AP2A1: variants seen among roughly 807,000 people sequenced by gnomAD.
AP2A1 encodes the protein adaptor related protein complex 2 subunit alpha 1.
A neutral mutation model predicts 107.3 loss-of-function variants in AP2A1; 21 were observed. That is an observed-to-expected ratio of 0.20 (90% confidence interval 0.14 to 0.28). AP2A1 has a LOEUF of 0.28. AP2A1 is among the 10% of genes least tolerant of loss of function. The pLI, the probability that AP2A1 is intolerant of heterozygous loss-of-function variation, is 1.00. For missense variants in AP2A1, 873 were observed against 1,307.7 expected (o/e 0.67, Z 5.13); for synonymous variants, 602 against 564.8 (o/e 1.07, Z -0.93).
chr19:49,804,008 G>A lies in AP2A1; in HGVS notation c.2344+632G>A, dbSNP rs114707906. On this transcript the variant is annotated intron_variant, in intron 18 of 22. Coordinates refer to ENST00000354293, the MANE Select transcript of AP2A1 (RefSeq NM_130787.3). The stretch of plus-strand genomic sequence containing the variant: ...TCCCAGCACTGGCAGGCTGAGGCCA[G>A]TGGATCATTTGAGGTCAGGAGTTCA... 1,478 of 154,164 alleles carry A rather than the reference G, an allele frequency of 9.6e-3. 28 individuals carry two copies. Among genetic ancestry groups the A allele is most frequent in the African/African-American group, 0.034 (1,412 of 41,570 alleles). 9.5% of individuals were successfully genotyped at this position (154,164 alleles called of 1,614,324 possible).
chr19:49,800,800 T>A, intron 11 of AP2A1, 161 bp from the exon 12 acceptor site: 2 of 574,776 alleles, frequency 3.5e-6, no homozygotes, highest in Non-Finnish European at 6.1e-6. Flanking sequence ...CTGTGTGAGC[T>A]TGGGCCCGTC....
chr19:49,779,682 C>T (rs912549900), intron 1 of AP2A1, among the ~76,000 whole-genome samples: 1 of 152,278 alleles, frequency 6.6e-6, no homozygotes, highest in East Asian at 1.9e-4. Flanking sequence ...TCAAGCCATC[C>T]TCCTGCCTCA....
chr19:49,772,250 T>G (rs1011268731), intron 1 of AP2A1, among the ~76,000 whole-genome samples: 1 of 106,776 alleles, frequency 9.4e-6, no homozygotes, highest in African/African-American at 3.4e-5. Flanking sequence ...CATAGAGTTT[T>G]TTTTTTTTTT....
At chr19:49,784,487 A>T (rs1018370082) in intron 4 of AP2A1, among the ~76,000 whole-genome samples, 2 of 152,194 alleles carry the variant, frequency 1.3e-5, no homozygotes, top group Admixed American at 1.3e-4. Flanking sequence ...AATTATACAG[A>T]ATGTAAAAGA....
In AP2A1 at chr19:49,802,044, C is replaced by G; in HGVS notation, c.2017C>G (p.Pro673Ala). ...GGCAGCCCCTCCCCCGGCAGCACCC[C>G]CGGCTTCTGCAGGAGCAGGGAACCT... ...LRAAPPPAAPPASAGAGNLLV... is the reference protein window; with the variant it reads ...LRAAPPPAAPAASAGAGNLLV... Residue 673 changes from proline to alanine, a missense_variant, in exon 15 of 23, where the codon CCG becomes GCG. This residue lies in a region of AP2A1 where 416 missense variants were observed against 473.4 expected (regional missense o/e 0.88). Coordinates refer to ENST00000354293, the MANE Select transcript of AP2A1 (RefSeq NM_130787.3). 1 of 1,579,776 alleles carries G rather than the reference C, an allele frequency of 6.3e-7. No individual in the cohort carries two copies. Among genetic ancestry groups the G allele is most frequent in the Admixed American group, 1.8e-5 (1 of 56,502 alleles).
chr19:49,801,900 T>C lies in AP2A1; in HGVS notation c.1953+11T>C. The C allele has an allele frequency of 6.8e-7, 1 of 1,470,444 alleles. No homozygotes were observed. The highest frequency in any genetic ancestry group is 9.0e-7 in the Non-Finnish European group (1 of 1,114,964). The allele number at this position is 1,470,444 out of a possible 1,614,324, so 91.1% of individuals were successfully genotyped here. A position where few individuals can be genotyped will look rare whatever the true frequency, so the allele number is the denominator to read the frequency against. ...ACCCCCAGCACTGTGGTGAGTCCCC[T>C]GGGGTGGGCCCTGCCAGGGTGCCTG... On this transcript the variant is annotated intron_variant, in intron 14 of 22. Transcript: ENST00000354293.
intron 7 of AP2A1, among the ~76,000 whole-genome samples, chr19:49,798,574 C>G (rs2073239260): frequency 6.6e-6 from 1 of 152,172 alleles, no homozygotes; most frequent in Admixed American, 6.5e-5. Context: ...GAGCCCAGGT[C>G]TGGGGATAGA....
In AP2A1 at chr19:49,805,506, G is replaced by A; in HGVS notation, c.2398G>A (p.Val800Met). The A allele has an allele frequency of 1.3e-6, 2 of 1,561,528 alleles. No homozygotes were observed. Among genetic ancestry groups the A allele is most frequent in the African/African-American group, 2.7e-5 (2 of 73,702 alleles). ...GGCGCAGGTGGACGGCGGCGCGCAGGTGCAGCAGGTGCTCAATATCGAGTG... is the reference window on the plus strand; with the variant it reads ...GGCGCAGGTGGACGGCGGCGCGCAGATGCAGCAGGTGCTCAATATCGAGTG... ...VAAQVDGGAQ[V>M]QQVLNIECLR... is the part of the protein sequence containing the mutation. The change falls in exon 19 of 23, where the codon GTG (valine) becomes ATG (methionine). Residue 800 changes from valine to methionine, a missense_variant. This residue lies in a region of AP2A1 where 416 missense variants were observed against 473.4 expected (regional missense o/e 0.88). Transcript: ENST00000354293.
intron 18 of AP2A1, 49 bp from the exon 19 acceptor site, chr19:49,805,404 C>G: frequency 6.7e-7 from 1 of 1,489,948 alleles, no homozygotes; most frequent in Non-Finnish European, 9.0e-7. Flanking sequence ...ACCCAGACCT[C>G]CCGGGGGCCC....
At chr19:49,776,812 C>T (rs990624191) in intron 1 of AP2A1, among the ~76,000 whole-genome samples, 1 of 152,188 alleles carries the variant, frequency 6.6e-6, no homozygotes, top group Non-Finnish European at 1.5e-5. Flanking sequence ...CCCTTTGGGG[C>T]CACAACTGCT....
chr19:49,802,179 C>A (rs2073291937), intron 15 of AP2A1, 38 bp downstream of exon 15: 2 of 1,500,636 alleles, frequency 1.3e-6, no homozygotes, highest in East Asian at 4.9e-5. Context: ...CTCGCGGCCA[C>A]CCCCAGGGCT....
At chr19:49,806,563 CTG>C in intron 22 of AP2A1, 116 bp from the exon 23 acceptor site, 1 of 1,522,816 alleles carries the variant, frequency 6.6e-7, no homozygotes, top group Non-Finnish European at 8.8e-7. Context: ...TTTTTCTCTC[CTG>C]TGTCTTGTAT....
At chr19:49,770,770 C>T (rs2084548162) in intron 1 of AP2A1, among the ~76,000 whole-genome samples, 1 of 152,140 alleles carries the variant, frequency 6.6e-6, no homozygotes, top group Middle Eastern at 3.2e-3. Context: ...CTTGAATAGG[C>T]AGATCCATGG....
Position 49,805,743 on chromosome 19 carries a change from C to G in AP2A1, c.2551C>G (p.Gln851Glu). Reference protein sequence around the residue: ...KFFQPTEMAAQDFFQRWKQLS... With the variant: ...KFFQPTEMAAEDFFQRWKQLS... ...CTTCCAGCCCACCGAGATGGCGGCCCAGGATTTCTTCCAGCGCTGGAAGCA... is the reference window on the plus strand; with the variant it reads ...CTTCCAGCCCACCGAGATGGCGGCCGAGGATTTCTTCCAGCGCTGGAAGCA... Residue 851 changes from glutamine (Q) to glutamate (E), a missense_variant, in exon 20 of 23, where the codon CAG (glutamine) becomes GAG (glutamate). Gln to Glu is a conservative substitution (Grantham distance 29). Coordinates refer to ENST00000354293, the MANE Select transcript of AP2A1 (RefSeq NM_130787.3). 1.3e-6 allele frequency: 2 copies of G among 1,582,404 alleles called. No individual in the cohort carries two copies. Among genetic ancestry groups the G allele is most frequent in the Non-Finnish European group, 1.7e-6 (2 of 1,166,408 alleles).
intron 6 of AP2A1, 28 bp from the exon 7 acceptor site, chr19:49,795,602 C>CCCAAAA: frequency 8.1e-7 from 1 of 1,236,836 alleles, no homozygotes; most frequent in Non-Finnish European, 1.2e-6. Context: ...CCCCAGCCCC[C>CCCAAAA]AACTTATTTC....
At position 49,806,939 on chromosome 19, in the gene AP2A1, T is replaced by TG. The variant is rs557859716; in HGVS notation, c.*187dup. 5.6e-5 allele frequency: 86 copies of TG among 1,534,330 alleles called. 1 individual carries two copies. The South Asian group carries it at 8.8e-4, about 16-fold the overall frequency. ...TGTTCATCTGCTGCTGTTTACATTC[T>TG]GGGGGGTTAGGGGGAGTCCCCCTCC... On this transcript the variant is annotated 3_prime_UTR_variant, in exon 23 of 23. Coordinates refer to ENST00000354293, the MANE Select transcript of AP2A1 (RefSeq NM_130787.3).
chr19:49,806,039 G>A, intron 21 of AP2A1, 80 bp from the exon 22 acceptor site: 5 of 1,606,722 alleles, frequency 3.1e-6, no homozygotes, highest in Non-Finnish European at 4.3e-6. Flanking sequence ...CCATCCCCAA[G>A]GGTTTTTTGG....
At position 49,807,024 on chromosome 19, in the gene AP2A1, C is replaced by CCCCCCCCCCCCCCCG; in HGVS notation, c.*266_*267insCCCCCCCCCCCCCCG. 6.8e-7 allele frequency: 1 copy of CCCCCCCCCCCCCCCG among 1,478,250 alleles called. No individual in the cohort carries two copies. Among genetic ancestry groups the CCCCCCCCCCCCCCCG allele is most frequent in the Non-Finnish European group, 9.1e-7 (1 of 1,099,826 alleles). 91.6% of individuals were successfully genotyped at this position (1,478,250 alleles called of 1,614,324 possible). A position where few individuals can be genotyped will look rare whatever the true frequency, so the allele number is the denominator to read the frequency against. On this transcript the variant is annotated 3_prime_UTR_variant, in exon 23 of 23. Coordinates refer to ENST00000354293, the MANE Select transcript of AP2A1 (RefSeq NM_130787.3). ...GCCAGGGAAGTGGATGTCTCCTCCC[C>CCCCCCCCCCCCCCCG]TCCCACCCCACCCTGTTGTAGCCCC...
intron 11 of AP2A1, 68 bp from the exon 12 acceptor site, chr19:49,800,893 C>G: frequency 1.5e-6 from 2 of 1,319,260 alleles, no homozygotes; most frequent in South Asian, 1.3e-5. Context: ...CAGTAGGTGG[C>G]TGCACCCACC....
Sources: allele counts gnomAD v4.1 joint callset (sites outside exome capture counted in the v4.1 genomes callset), GRCh38; gene constraint gnomAD v4.1.1; regional missense constraint gnomAD v4.1.1; transcripts MANE v1.5; gene names NCBI Gene and HGNC (gene_info 2026-07-23, HGNC 2026-07-21).